RABGAP1: variants seen among roughly 807,000 people sequenced by gnomAD.
RABGAP1 encodes the protein RAB GTPase activating protein 1.
A neutral mutation model predicts 137.6 loss-of-function variants in RABGAP1; 23 were observed. The observed-to-expected ratio is 0.17, with a 90% CI of 0.12 to 0.24. The LOEUF (loss-of-function observed/expected upper bound fraction) is 0.24, where lower values mean the gene tolerates loss of function less well. Ranked by LOEUF, RABGAP1 falls within the 10% of genes least tolerant of loss-of-function variation. RABGAP1 has a pLI of 1.00. For missense variants in RABGAP1, 906 were observed against 1,275.8 expected, an observed-to-expected ratio of 0.71 and a Z score of 4.42; for synonymous variants, 451 against 450.7, an observed-to-expected ratio of 1.00 and a Z score of -0.01.
intron 13 of RABGAP1, chr9:123,034,110 G>C (rs116114874): frequency 6.0e-6 from 1 of 167,778 alleles, no homozygotes; most frequent in African/African-American, 2.4e-5. Context: ...GAGCTAGCCA[G>C]GTTCTTTGAT....
intron 12 of RABGAP1, 26 bp downstream of exon 12, chr9:123,015,662 T>A: frequency 6.7e-7 from 1 of 1,496,982 alleles, no homozygotes; most frequent in Non-Finnish European, 9.3e-7. Context: ...ATAGTTTTTT[T>A]TATCTGCAAT....
intron 10 of RABGAP1, among the ~76,000 whole-genome samples, chr9:123,005,643 C>CT (rs1372269183): frequency 3.3e-5 from 5 of 152,182 alleles, no homozygotes; most frequent in Non-Finnish European, 7.4e-5. Context: ...GAACTATGGG[C>CT]TTTTCAACCA....
chr9:122,953,122 C>T (rs1309352898), intron 1 of RABGAP1, among the ~76,000 whole-genome samples: 1 of 152,156 alleles, frequency 6.6e-6, no homozygotes, highest in East Asian at 1.9e-4. Flanking sequence ...TTAACTCATA[C>T]AGGCACTGTA....
chr9:122,974,940 T>G (rs1447502701), intron 2 of RABGAP1, among the ~76,000 whole-genome samples: 2 of 152,234 alleles, frequency 1.3e-5, no homozygotes, highest in African/African-American at 2.4e-5. Flanking sequence ...AGGTTTGAGA[T>G]TAGTAACTAA....
chr9:122,972,890 C>T (rs1367546773), intron 2 of RABGAP1, among the ~76,000 whole-genome samples: 1 of 151,202 alleles, frequency 6.6e-6, no homozygotes, highest in Non-Finnish European at 1.5e-5. Flanking sequence ...AATCCCAGCA[C>T]TTGGGGAGGC....
chr9:123,076,649 C>G lies in RABGAP1; in HGVS notation c.2311C>G (p.Leu771Val). 6.3e-7 allele frequency: 1 copy of G among 1,597,532 alleles called. No homozygotes were observed. Among genetic ancestry groups the G allele is most frequent in the South Asian group, 1.1e-5 (1 of 87,976 alleles). ...LGLLKTSKDDLLLTDFEGALK... is the reference protein window; with the variant it reads ...LGLLKTSKDDVLLTDFEGALK... ...TTTCTTCAAGACTTCGAAAGATGAC[C>G]TGCTGTTGACAGACTTTGAAGGTGC... Residue 771 changes from leucine to valine, a missense_variant, in exon 19 of 26, where the codon CTG becomes GTG. By Grantham distance (32) the Leu-to-Val change is conservative. This residue lies in a region of RABGAP1 where 77 missense variants were observed against 105.6 expected (regional missense o/e 0.73). Coordinates refer to ENST00000373647, the MANE Select transcript of RABGAP1 (RefSeq NM_012197.4).
At chr9:122,968,528 A>T (rs990778133) in intron 2 of RABGAP1, among the ~76,000 whole-genome samples, 8 of 152,016 alleles carry the variant, frequency 5.3e-5, no homozygotes, top group African/African-American at 1.9e-4. Flanking sequence ...TGGCACAGTT[A>T]CACTCTTAGT....
chr9:122,977,210 C>T (rs1431212696), intron 2 of RABGAP1, among the ~76,000 whole-genome samples: 1 of 152,042 alleles, frequency 6.6e-6, no homozygotes, highest in African/African-American at 2.4e-5. Flanking sequence ...AGAAGGCAGG[C>T]AAACTACTAA....
chr9:123,048,334 G>A (rs2033311721), intron 13 of RABGAP1, among the ~76,000 whole-genome samples: 1 of 152,112 alleles, frequency 6.6e-6, no homozygotes, highest in Admixed American at 6.5e-5. Context: ...GTAAAACTGA[G>A]TATTTGTTAG....
Position 123,089,749 on chromosome 9 carries a change from A to G in RABGAP1, c.2425-9A>G. 1 of 1,605,012 alleles carries G rather than the reference A, an allele frequency of 6.2e-7. No homozygotes were observed. ...TACTTCTTAATTTACCCTATGATTT[A>G]TCCTACAGATTAGTCAGAAGAAGTT... On this transcript the variant is annotated splice_polypyrimidine_tract_variant and intron_variant, in intron 19 of 25. Transcript: ENST00000373647.
rs1037451303 is a variant in RABGAP1 at position 123,070,620 on chromosome 9, A to T, written c.1983+196A>T. 6.6e-6 allele frequency among the ~76,000 whole-genome samples: 1 copy of T among 152,226 alleles called. No individual in the cohort carries two copies. Among genetic ancestry groups the T allele is most frequent in the African/African-American group, 2.4e-5 (1 of 41,462 alleles). On this transcript the variant is annotated intron_variant, in intron 15 of 25. Coordinates refer to ENST00000373647, the MANE Select transcript of RABGAP1 (RefSeq NM_012197.4). The surrounding 1 kb of genome is among the most constrained non-coding windows in gnomAD (Gnocchi z 4.4). ...AGATATATGATGAGAATAAACGGCA[A>T]TGTTGAAAACTGGTACAGGGGTAGA... is the stretch of plus-strand genomic sequence containing the variant.
At chr9:123,056,678 G>A (rs1461932280) in intron 13 of RABGAP1, among the ~76,000 whole-genome samples, 1 of 151,808 alleles carries the variant, frequency 6.6e-6, no homozygotes, top group Non-Finnish European at 1.5e-5. Flanking sequence ...GAGTGGTGAT[G>A]ACTCTTAACG....
At chr9:122,932,097 G>A in the RABGAP1 span, among the ~76,000 whole-genome samples, 1 of 152,310 alleles carries the variant, frequency 6.6e-6, no homozygotes, top group South Asian at 2.1e-4. Flanking sequence ...TGATGTGAAA[G>A]TACCTTTTAA....
rs1212240170 is a variant in RABGAP1, at chr9:122,989,655, T to C, written c.765+184T>C. ...CTAAAAATTTGATTAACTAGAACTT[T>C]GTTACTACTACTAAGAATGTCAGAG... On this transcript the variant is annotated intron_variant, in intron 5 of 25. Transcript: ENST00000373647. 4.6e-6 allele frequency: 3 copies of C among 652,320 alleles called. No homozygotes were observed. In the East Asian group the frequency reaches 8.4e-5, roughly 18 times the overall value. The allele number at this position is 652,320 out of a possible 1,614,324, so 40.4% of individuals were successfully genotyped here. A position where few individuals can be genotyped will look rare whatever the true frequency, so the allele number is the denominator to read the frequency against.
rs774817869 is a variant in RABGAP1, at chr9:123,073,538, C to T, written c.1984-14C>T. 1 of 1,606,108 alleles carries T rather than the reference C, an allele frequency of 6.2e-7. No individual in the cohort carries two copies. The highest frequency in any genetic ancestry group is 8.5e-7 in the Non-Finnish European group (1 of 1,177,058). ...GCCATCCTCCCTACCCAACAACTTG[C>T]CTATCTGTTACAGATGCCTGAAGAA... On this transcript the variant is annotated splice_polypyrimidine_tract_variant and intron_variant, in intron 15 of 25. Transcript: ENST00000373647.
rs566531956 is a variant in RABGAP1, at chr9:123,029,890, G to C, written c.1794+9431G>C. The C allele has an allele frequency of 1.1e-5, 3 of 269,566 alleles. No individual in the cohort carries two copies. The East Asian group carries it at 2.7e-4, about 25-fold the overall frequency. The allele number at this position is 269,566 out of a possible 1,614,324, so 16.7% of individuals were successfully genotyped here. ...GTGAAGCTTAGGAATTTGAAGAACT[G>C]AGATAATTTATCATCTACAAGTAGT... is the stretch of plus-strand genomic sequence containing the variant. On this transcript the variant is annotated intron_variant, in intron 13 of 25. Transcript: ENST00000373647.
chr9:123,081,395 C>T (rs539268945), intron 19 of RABGAP1, among the ~76,000 whole-genome samples: 1 of 152,262 alleles, frequency 6.6e-6, no homozygotes, highest in African/African-American at 2.4e-5. Flanking sequence ...TTTTGCCTCA[C>T]ATGCCAGTCT....
intron 2 of RABGAP1, among the ~76,000 whole-genome samples, chr9:122,976,180 C>T (rs189172629): frequency 9.6e-4 from 146 of 152,232 alleles, no homozygotes; most frequent in African/African-American, 3.4e-3. Context: ...TTTACAGTAG[C>T]TGCTAAATGC....
chr9:123,097,947 C>A, intron 22 of RABGAP1, 102 bp downstream of exon 22: 2 of 921,550 alleles, frequency 2.2e-6, no homozygotes, highest in Non-Finnish European at 3.2e-6. Context: ...AGACATCTGG[C>A]TTCAGTTTCT....
Sources: gnomAD v4.1 joint callset for allele counts (sites outside exome capture counted in the v4.1 genomes callset) on GRCh38, gnomAD v4.1.1 for gene constraint, gnomAD v4.1.1 regional missense constraint, Gnocchi (gnomAD v3.1) non-coding constraint, MANE v1.5 for transcripts, NCBI Gene and HGNC (gene_info 2026-07-23, HGNC 2026-07-21) for gene names.